Variants in CCDC178 observed in about 807,000 individuals in gnomAD.
The protein encoded by CCDC178 is coiled-coil domain-containing protein 178.
CCDC178 carries 126 observed loss-of-function variants against 117.4 expected under a neutral mutation model. The ratio of observed to expected loss-of-function variants is 1.07; its 90% CI spans 0.93 to 1.24. CCDC178 has a LOEUF of 1.24. CCDC178 is among the 50% of genes most tolerant of loss of function. CCDC178 has a pLI of 0.00. For synonymous variants in CCDC178, 283 were observed against 313.4 expected, an observed-to-expected ratio of 0.90 and a Z score of 1.02; for missense variants, 1,030 against 986.9, an observed-to-expected ratio of 1.04 and a Z score of -0.59.
intron 22 of CCDC178, among the ~76,000 whole-genome samples, chr18:32,959,612 CTT>C (rs1491131322): frequency 6.6e-6 from 1 of 151,386 alleles, no homozygotes; most frequent in Non-Finnish European, 1.5e-5. Flanking sequence ...TTTTTTTTCT[CTT>C]GTTATAACTG....
rs933438463 is a variant in CCDC178, at chr18:33,219,679, A to T, written c.1932+3427T>A. Among the ~76,000 whole-genome samples the T allele has an allele frequency of 3.9e-5, 6 of 152,122 alleles. No homozygotes were observed. The East Asian group carries it at 1.2e-3, about 29-fold the overall frequency. On this transcript the variant is annotated intron_variant, in intron 18 of 22. Transcript: ENST00000383096. Reference sequence around the variant, plus strand: ...TCTCAGCAAACTATCACAAGGACAGAAAACCAAACACCACATGTTCTCACT... The same window carrying T: ...TCTCAGCAAACTATCACAAGGACAGTAAACCAAACACCACATGTTCTCACT...
At chr18:33,093,904 A>G (rs1598876368) in intron 20 of CCDC178, among the ~76,000 whole-genome samples, 1 of 152,060 alleles carries the variant, frequency 6.6e-6, no homozygotes, top group Admixed American at 6.6e-5. Context: ...TGATGATTCA[A>G]TAACTAGATA....
chr18:33,071,694 A>G lies in CCDC178; in HGVS notation c.2388+21067T>C, dbSNP rs1031065462. ...GGAAATATGACCTTAGCCACATTAT[A>G]TTTAGGTGGATGGATGCACAACGTG... On this transcript the variant is annotated intron_variant, in intron 21 of 22. Coordinates refer to ENST00000383096, the MANE Select transcript of CCDC178 (RefSeq NM_001105528.4). Among the ~76,000 whole-genome samples, 3 of 152,136 alleles carry G rather than the reference A, an allele frequency of 2.0e-5. No homozygotes were observed. In the East Asian group the frequency reaches 5.8e-4, roughly 29 times the overall value.
At chr18:32,949,133 G>GCA (rs2054419661) in intron 22 of CCDC178, among the ~76,000 whole-genome samples, 1 of 151,856 alleles carries the variant, frequency 6.6e-6, no homozygotes, top group South Asian at 2.1e-4. Flanking sequence ...TTGTTCGTCG[G>GCA]CACATTACAT....
rs2062913216 is a variant in CCDC178, at chr18:33,347,525, TGAATC to T, written c.458-1119_458-1115del. On this transcript the variant is annotated intron_variant, in intron 8 of 22. Transcript: ENST00000383096. ...ACACTGGTCCTTTATTTGGCATCTT[TGAATC>T]TATTGTTTTCTTTTGTCAAATTCTA... is the stretch of plus-strand genomic sequence containing the variant. Among the ~76,000 whole-genome samples the T allele has an allele frequency of 2.0e-5, 3 of 152,286 alleles. No individual in the cohort carries two copies. The East Asian group carries it at 5.8e-4, about 29-fold the overall frequency.
At chr18:33,429,980 G>A (rs915746219) in intron 2 of CCDC178, among the ~76,000 whole-genome samples, 3 of 152,078 alleles carry the variant, frequency 2.0e-5, no homozygotes, top group East Asian at 1.9e-4. Context: ...TGTTTTCAAT[G>A]CAAGTTTAGT....
At chr18:33,232,167 AAC>A (rs1330770680) in intron 15 of CCDC178, among the ~76,000 whole-genome samples, 2 of 152,154 alleles carry the variant, frequency 1.3e-5, no homozygotes, top group African/African-American at 4.8e-5. Flanking sequence ...GGGCACATTC[AAC>A]AGTCACCTTT....
intron 5 of CCDC178, among the ~76,000 whole-genome samples, chr18:33,375,973 G>A (rs1264852328): frequency 6.6e-6 from 1 of 152,120 alleles, no homozygotes; most frequent in East Asian, 1.9e-4. Flanking sequence ...AGTAAGGAAA[G>A]GAAGGAAAGA....
intron 3 of CCDC178, among the ~76,000 whole-genome samples, chr18:33,409,915 C>T (rs2063828307): frequency 6.6e-6 from 1 of 152,138 alleles, no homozygotes; most frequent in African/African-American, 2.4e-5. Flanking sequence ...TATTCTTTTC[C>T]AAAGTGTTAG....
chr18:33,096,683 C>T (rs1442393546), intron 20 of CCDC178, among the ~76,000 whole-genome samples: 1 of 152,022 alleles, frequency 6.6e-6, no homozygotes, highest in Non-Finnish European at 1.5e-5. Flanking sequence ...GTCAGGGACA[C>T]TAACATAGCC....
In CCDC178 at chr18:33,378,723, T is replaced by C. The variant is rs1416636761; in HGVS notation, c.209-8534A>G. On this transcript the variant is annotated intron_variant, in intron 5 of 22. Transcript: ENST00000383096. ...ATGTTTTTGTTTTTAATTCAACTTATGTGGTGAATTACTTTATTGATTTGT... is the reference window on the plus strand; with the variant it reads ...ATGTTTTTGTTTTTAATTCAACTTACGTGGTGAATTACTTTATTGATTTGT... Among the ~76,000 whole-genome samples the C allele has an allele frequency of 2.6e-5, 4 of 152,188 alleles. No homozygotes were observed. The East Asian group carries it at 5.8e-4, about 22-fold the overall frequency.
At chr18:32,981,292 G>A (rs529427587) in intron 21 of CCDC178, among the ~76,000 whole-genome samples, 48 of 151,942 alleles carry the variant, frequency 3.2e-4, no homozygotes, top group African/African-American at 1.1e-3. Flanking sequence ...ATGTAAAAAT[G>A]GCATTAAAAA....
intron 20 of CCDC178, among the ~76,000 whole-genome samples, chr18:33,099,509 G>C (rs271483): frequency 0.14 from 21,673 of 151,972 alleles, 2,399 homozygotes; most frequent in African/African-American, 0.31. Flanking sequence ...CTCCAAGTCT[G>C]TTTGTGAGTA....
intron 17 of CCDC178, 78 bp downstream of exon 17, chr18:33,224,697 G>A: frequency 1.1e-6 from 1 of 943,744 alleles, no homozygotes; most frequent in South Asian, 2.7e-5. Flanking sequence ...TTTCCCAAAT[G>A]ATAATGTAAA....
intron 20 of CCDC178, among the ~76,000 whole-genome samples, chr18:33,181,656 C>G (rs534233628): frequency 9.9e-5 from 15 of 151,842 alleles, no homozygotes; most frequent in African/African-American, 3.6e-4. Context: ...TTCTGAGAAT[C>G]AGTGGTGCTT....
At chr18:33,360,010 T>C (rs527359853) in intron 6 of CCDC178, among the ~76,000 whole-genome samples, 2 of 151,488 alleles carry the variant, frequency 1.3e-5, no homozygotes, top group South Asian at 4.1e-4. Context: ...TGAAACCTTC[T>C]ATTTTCCACT....
intron 11 of CCDC178, among the ~76,000 whole-genome samples, chr18:33,302,882 G>C (rs1460459144): frequency 6.6e-6 from 1 of 152,128 alleles, no homozygotes; most frequent in Non-Finnish European, 1.5e-5. Flanking sequence ...AGGGGGGATA[G>C]ACAGAGATTT....
intron 4 of CCDC178, among the ~76,000 whole-genome samples, chr18:33,390,883 A>G (rs1354620204): frequency 1.3e-5 from 2 of 151,844 alleles, no homozygotes; most frequent in Admixed American, 1.3e-4. Context: ...ACATACATAC[A>G]TAAATATAAG....
chr18:33,323,673 G>T (rs766990687), intron 10 of CCDC178, 40 bp from the exon 11 acceptor site: 16 of 1,252,994 alleles, frequency 1.3e-5, no homozygotes, highest in Non-Finnish European at 1.7e-5. Flanking sequence ...TGCACTTAAT[G>T]GTTAATTAAA....
Sources: allele counts gnomAD v4.1 joint callset (sites outside exome capture counted in the v4.1 genomes callset), GRCh38; gene constraint gnomAD v4.1.1; transcripts MANE v1.5; gene names NCBI Gene and HGNC (gene_info 2026-07-23, HGNC 2026-07-21).